Variants in ELF2 observed in about 807,000 individuals in gnomAD.
ELF2 encodes E74 like ETS transcription factor 2, also known as ETS-related transcription factor Elf-2.
In ELF2, 11 loss-of-function variants were observed where a neutral mutation model predicts 54.8. The ratio of observed to expected loss-of-function variants is 0.20; its 90% CI spans 0.13 to 0.33. The LOEUF is 0.33. ELF2 is among the 10% of genes least tolerant of loss of function. ELF2 has a pLI of 1.00. For missense variants in ELF2, 513 were observed against 703.0 expected (o/e 0.73, Z 3.06); for synonymous variants, 203 against 245.1 (o/e 0.83, Z 1.61).
chr4:139,104,648 C>T (rs1211635649), intron 4 of ELF2, among the ~76,000 whole-genome samples: 1 of 152,144 alleles, frequency 6.6e-6, no homozygotes, highest in African/African-American at 2.4e-5. Context: ...GAGTTCTTAG[C>T]ATTGTTCCCT....
rs373283677 is a variant in ELF2 at position 139,135,279 on chromosome 4, G to GTGTGTGTGTGTGTGTGTGTA, written c.72+2350_72+2351insTACACACACACACACACACA. ...TGTGTGTGTGTGTGTGTGTGTGTGTGTATATATGAATGAAACATTCCTGAA... is the reference window on the plus strand; with the variant it reads ...TGTGTGTGTGTGTGTGTGTGTGTGTGTGTGTGTGTGTGTGTGTGTATATATATGAATGAAACATTCCTGAA... On this transcript the variant is annotated intron_variant, in intron 3 of 9. Coordinates refer to ENST00000686138, the MANE Select transcript of ELF2 (RefSeq NM_001331036.3). Among the ~76,000 whole-genome samples, 18 of 136,570 alleles carry GTGTGTGTGTGTGTGTGTGTA rather than the reference G, an allele frequency of 1.3e-4. 1 individual carries two copies. Among genetic ancestry groups the GTGTGTGTGTGTGTGTGTGTA allele is most frequent in the African/African-American group, 5.0e-4 (18 of 35,884 alleles). The allele number at this position is 136,570 out of a possible 152,430, so 89.6% of individuals were successfully genotyped here.
chr4:139,101,291 A>G lies in ELF2; in HGVS notation c.238+23873T>C, dbSNP rs533275142. Reference sequence around the variant, plus strand: ...TATCTAATTTCTTGCTCTAGTTCACATAAAAAAAACACAGTGCCACACACA... The same window carrying G: ...TATCTAATTTCTTGCTCTAGTTCACGTAAAAAAAACACAGTGCCACACACA... On this transcript the variant is annotated intron_variant, in intron 4 of 9. Transcript: ENST00000686138. Among the ~76,000 whole-genome samples the G allele has an allele frequency of 2.0e-5, 3 of 152,336 alleles. No individual in the cohort carries two copies. The East Asian group carries it at 5.8e-4, about 29-fold the overall frequency.
intron 4 of ELF2, among the ~76,000 whole-genome samples, chr4:139,116,000 C>T (rs867089489): frequency 5.8e-4 from 89 of 152,250 alleles, no homozygotes; most frequent in African/African-American, 1.9e-3. Flanking sequence ...CACCACCACG[C>T]CTGGCTAATT....
Position 139,059,170 on chromosome 4 carries a change from C to T in ELF2, c.1595G>A (p.Gly532Glu). Residue 532 changes from glycine (G) to glutamate (E), a missense_variant, in exon 10 of 10, where the codon GGG becomes GAG. This residue lies in a region of ELF2 where 291 missense variants were observed against 366.1 expected (regional missense o/e 0.79). Transcript: ENST00000686138. ...CACTGCTTCCGATTTAACCTCTGGC[C>T]CCTTTATGACTGCACTGATAACTCG... is the stretch of plus-strand genomic sequence containing the variant. ...PPRVISAVIK[G>E]PEVKSEAVAK... is the part of the protein sequence containing the mutation. 1 of 1,613,946 alleles carries T rather than the reference C, an allele frequency of 6.2e-7. No homozygotes were observed. Among genetic ancestry groups the T allele is most frequent in the Non-Finnish European group, 8.5e-7 (1 of 1,179,874 alleles).
chr4:139,064,134 C>T (rs1196129327), intron 7 of ELF2, among the ~76,000 whole-genome samples: 1 of 152,090 alleles, frequency 6.6e-6, no homozygotes, highest in Non-Finnish European at 1.5e-5. Flanking sequence ...CATGGTAAAA[C>T]CCTATCTCTA....
At chr4:139,162,001 G>A (rs1400097342) in intron 1 of ELF2, among the ~76,000 whole-genome samples, 1 of 152,178 alleles carries the variant, frequency 6.6e-6, no homozygotes, top group Non-Finnish European at 1.5e-5. Context: ...GGCTGAGGCA[G>A]GAGAATCGCT....
At position 139,106,568 on chromosome 4, in the gene ELF2, G is replaced by GT. The variant is rs886784115; in HGVS notation, c.238+18595dup. Among the ~76,000 whole-genome samples, 308 of 147,942 alleles carry GT rather than the reference G, an allele frequency of 2.1e-3. 1 individual carries two copies. The Middle Eastern group carries it at 0.021, about 10-fold the overall frequency. ...ACAGATATTTTCATATCATATTACG[G>GT]TTTTTTTTTTCTTTGAGACAGGGTC... On this transcript the variant is annotated intron_variant, in intron 4 of 9. Coordinates refer to ENST00000686138, the MANE Select transcript of ELF2 (RefSeq NM_001331036.3).
At chr4:139,148,306 T>A (rs1739457668) in intron 1 of ELF2, among the ~76,000 whole-genome samples, 1 of 142,774 alleles carries the variant, frequency 7.0e-6, no homozygotes, top group Non-Finnish European at 1.5e-5. Flanking sequence ...GGTGAAGTCA[T>A]ACCTGGCTAA....
intron 8 of ELF2, 22 bp from the exon 9 acceptor site, chr4:139,060,696 A>G (rs767980026): frequency 1.4e-5 from 21 of 1,549,116 alleles, no homozygotes; most frequent in Non-Finnish European, 1.7e-5. Context: ...AAATGTACCA[A>G]ATGAATCAAG....
chr4:139,100,905 G>C (rs1733816834), intron 4 of ELF2, among the ~76,000 whole-genome samples: 1 of 152,000 alleles, frequency 6.6e-6, no homozygotes, highest in Admixed American at 6.6e-5. Flanking sequence ...CTGATTAGAA[G>C]GCCAAAGGCC....
chr4:139,164,119 GGA>G lies in ELF2; in HGVS notation c.-252+12846_-252+12847del, dbSNP rs1335814847. Among the ~76,000 whole-genome samples the G allele has an allele frequency of 4.9e-4, 71 of 146,116 alleles. 1 individual carries two copies. Among genetic ancestry groups the G allele is most frequent in the Middle Eastern group, 3.6e-3 (1 of 278 alleles). On this transcript the variant is annotated intron_variant, in intron 1 of 9. Coordinates refer to ENST00000686138, the MANE Select transcript of ELF2 (RefSeq NM_001331036.3). ...GGGAGAGAGAGAAAGAGGGAGGAAG[GGA>G]GAGAGAGAAAGAGAAAGAAGAGAGA... is the stretch of plus-strand genomic sequence containing the variant.
chr4:139,108,670 G>C (rs1338545982), intron 4 of ELF2, among the ~76,000 whole-genome samples: 1 of 151,926 alleles, frequency 6.6e-6, no homozygotes, highest in African/African-American at 2.4e-5. Context: ...ACTCAAAATA[G>C]CAGACTAGGG....
intron 3 of ELF2, among the ~76,000 whole-genome samples, chr4:139,127,449 CATCTATCTATGATAA>C (rs1283548726): frequency 6.6e-6 from 1 of 152,206 alleles, no homozygotes; most frequent in Admixed American, 6.5e-5. Flanking sequence ...TGGAAGCCTT[CATCTATCTATGATAA>C]TATTGCCCTT....
In ELF2 at chr4:139,059,241, C is replaced by T. The variant is rs1244149175; in HGVS notation, c.1524G>A (p.Met508Ile). ...PVSIAHGTPV[M>I]RLSMPTQQAS... ...CCTGCTGAGTAGGCATTGATAGTCT[C>T]ATTACAGGTGTACCATGGGCTATTG... is the stretch of plus-strand genomic sequence containing the variant. Residue 508 changes from methionine to isoleucine, a missense_variant, in exon 10 of 10, where the codon ATG becomes ATA. Met to Ile is a conservative substitution (Grantham distance 10). Transcript: ENST00000686138. 1 of 1,613,936 alleles carries T rather than the reference C, an allele frequency of 6.2e-7. No homozygotes were observed. The highest frequency in any genetic ancestry group is 1.3e-5 in the African/African-American group (1 of 75,030).
chr4:139,152,281 A>T (rs1023459676), intron 1 of ELF2, among the ~76,000 whole-genome samples: 1 of 152,242 alleles, frequency 6.6e-6, no homozygotes, highest in Non-Finnish European at 1.5e-5. Flanking sequence ...CTGTATTCAA[A>T]TATTAACAGT....
intron 1 of ELF2, among the ~76,000 whole-genome samples, chr4:139,162,876 T>G (rs889613873): frequency 5.3e-5 from 8 of 152,016 alleles, no homozygotes; most frequent in Non-Finnish European, 1.0e-4. Context: ...ACAGGAGGAT[T>G]ACTTAAGGCC....
intron 4 of ELF2, among the ~76,000 whole-genome samples, chr4:139,115,840 G>A (rs1019357575): frequency 3.3e-5 from 5 of 151,968 alleles, no homozygotes; most frequent in Admixed American, 6.6e-5. Context: ...TGTTGTTTTT[G>A]TTTTGTTTTG....
rs528568424 is a variant in ELF2 at position 139,121,316 on chromosome 4, G to T, written c.238+3848C>A. On this transcript the variant is annotated intron_variant, in intron 4 of 9. Transcript: ENST00000686138. ...GTAGAGACGGGGTTTCACCGTGTTA[G>T]CCAGGATGGTCTCGATCTCCTGACC... 4.6e-3 allele frequency among the ~76,000 whole-genome samples: 698 copies of T among 151,286 alleles called. 5 individuals are homozygous for T. The highest frequency in any genetic ancestry group is 0.016 in the African/African-American group (670 of 41,328).
chr4:139,058,718 G>A lies in ELF2; in HGVS notation c.*265C>T. 1 of 391,324 alleles carries A rather than the reference G, an allele frequency of 2.6e-6. No individual in the cohort carries two copies. Among genetic ancestry groups the A allele is most frequent in the Admixed American group, 4.3e-5 (1 of 23,138 alleles). The allele number at this position is 391,324 out of a possible 1,614,324, so 24.2% of individuals were successfully genotyped here. A position where few individuals can be genotyped will look rare whatever the true frequency, so the allele number is the denominator to read the frequency against. Reference sequence around the variant, plus strand: ...GTGTAACTTGATATCGTAGTGAGCTGCTTGGTCCCTTTCGATCCTTTTTCT... The same window carrying A: ...GTGTAACTTGATATCGTAGTGAGCTACTTGGTCCCTTTCGATCCTTTTTCT... On this transcript the variant is annotated 3_prime_UTR_variant, in exon 10 of 10. Coordinates refer to ENST00000686138, the MANE Select transcript of ELF2 (RefSeq NM_001331036.3).
Sources: allele counts gnomAD v4.1 joint callset (sites outside exome capture counted in the v4.1 genomes callset), GRCh38; gene constraint gnomAD v4.1.1; regional missense constraint gnomAD v4.1.1; transcripts MANE v1.5; gene names NCBI Gene and HGNC (gene_info 2026-07-23, HGNC 2026-07-21).